PUDP: variants seen among roughly 807,000 people sequenced by gnomAD.
The protein encoded by PUDP is pseudouridine-5'-phosphatase.
In PUDP, 8 loss-of-function variants were observed where a neutral mutation model predicts 9.4. The ratio of observed to expected loss-of-function variants is 0.85; its 90% CI spans 0.50 to 1.53. PUDP has a LOEUF of 1.53. PUDP is among the 40% of genes most tolerant of loss of function. The pLI is 0.00. For missense variants in PUDP, 188 were observed against 189.7 expected (o/e 0.99, Z 0.05); for synonymous variants, 99 against 80.7 (o/e 1.23, Z -1.22).
At chrX:6,799,499 T>A (rs1925896191) in intron 3 of PUDP, among the ~76,000 whole-genome samples, 1 of 112,166 alleles carries the variant, frequency 8.9e-6, no homozygotes, top group Non-Finnish European at 1.9e-5. Flanking sequence ...ATAAACAGCA[T>A]TTTTAGCTAT....
At chrX:6,900,288 G>A (rs2146751155) in intron 3 of PUDP, among the ~76,000 whole-genome samples, 1 of 103,392 alleles carries the variant, frequency 9.7e-6, no homozygotes, top group African/African-American at 3.5e-5. Context: ...CTAAAAAACT[G>A]GAGGAAATGA....
intron 1 of PUDP, among the ~76,000 whole-genome samples, chrX:7,107,470 G>A (rs2146900261): frequency 8.9e-6 from 1 of 112,514 alleles, no homozygotes; most frequent in African/African-American, 3.2e-5. Flanking sequence ...ACATAGGTAT[G>A]CATGCTTGTC....
chrX:6,968,919 CCTT>C (rs1028463200), intron 3 of PUDP, among the ~76,000 whole-genome samples: 1 of 112,005 alleles, frequency 8.9e-6, no homozygotes, highest in African/African-American at 3.2e-5. Flanking sequence ...CGCACCTGGC[CCTT>C]CTTCATCTCT....
intron 3 of PUDP, among the ~76,000 whole-genome samples, chrX:6,766,136 G>A (rs1309810743): frequency 9.0e-6 from 1 of 111,581 alleles, no homozygotes; most frequent in African/African-American, 3.3e-5. Flanking sequence ...TTTATATCCA[G>A]TAAAAATATC....
intron 3 of PUDP, among the ~76,000 whole-genome samples, chrX:6,946,712 T>C (rs1347925479): frequency 1.0e-5 from 1 of 99,132 alleles, no homozygotes; most frequent in Admixed American, 1.2e-4. Context: ...ATATCTGAAA[T>C]GTAAAAAAAA....
chrX:7,076,652 G>T (rs1930914002), intron 3 of PUDP, among the ~76,000 whole-genome samples: 1 of 112,008 alleles, frequency 8.9e-6, no homozygotes, highest in Non-Finnish European at 1.9e-5. Flanking sequence ...TCAAGCAGCC[G>T]TGGTGCGGGA....
chrX:7,046,011 T>A (rs1358179712), downstream of PUDP, among the ~76,000 whole-genome samples: 1 of 112,515 alleles, frequency 8.9e-6, no homozygotes, highest in African/African-American at 3.2e-5. Context: ...ACTGAGATGA[T>A]TTGCCATCAT....
intron 3 of PUDP, among the ~76,000 whole-genome samples, chrX:6,880,526 T>C (rs2146739440): frequency 8.9e-6 from 1 of 112,254 alleles, no homozygotes; most frequent in East Asian, 2.8e-4. Flanking sequence ...ACAGAGGGAC[T>C]ATAAAATATA....
intron 3 of PUDP, among the ~76,000 whole-genome samples, chrX:6,906,268 C>T (rs1157561654): frequency 1.8e-5 from 2 of 111,404 alleles, no homozygotes; most frequent in Non-Finnish European, 1.9e-5. Flanking sequence ...CCATAAGACA[C>T]GAAATAATTG....
At chrX:7,118,012 C>A (rs1323703515) in intron 1 of PUDP, among the ~76,000 whole-genome samples, 1 of 113,062 alleles carries the variant, frequency 8.8e-6, no homozygotes, top group African/African-American at 3.2e-5. Flanking sequence ...GCCATTTAAA[C>A]CCATTTTCTT....
At chrX:7,094,779 C>T (rs1931526617) in intron 2 of PUDP, among the ~76,000 whole-genome samples, 1 of 111,844 alleles carries the variant, frequency 8.9e-6, no homozygotes, top group Non-Finnish European at 1.9e-5. Context: ...GGGGCTAATT[C>T]GATTTGTTAA....
chrX:7,015,991 G>A (rs895234141), intron 1 of PUDP, among the ~76,000 whole-genome samples: 6 of 110,170 alleles, frequency 5.4e-5, no homozygotes, highest in African/African-American at 1.7e-4. Context: ...TCTAGGACCC[G>A]TCATGGGGAA....
chrX:7,068,353 G>A (rs1437829514), intron 3 of PUDP, among the ~76,000 whole-genome samples: 3 of 112,080 alleles, frequency 2.7e-5, no homozygotes, highest in African/African-American at 6.5e-5. Context: ...GTCCCTTGGT[G>A]TGAATCTGTT....
chrX:6,790,655 T>C (rs1925729687), intron 3 of PUDP, among the ~76,000 whole-genome samples: 1 of 112,926 alleles, frequency 8.9e-6, no homozygotes, highest in Non-Finnish European at 1.9e-5. Flanking sequence ...CACATTTAAC[T>C]ACACATAGTG....
upstream of PUDP, chrX:6,721,597 A>G (rs1248291423): frequency 1.8e-5 from 2 of 112,470 alleles, no homozygotes; most frequent in Non-Finnish European, 3.8e-5. Flanking sequence ...ATATAAAGTT[A>G]TCTAAAATAT....
intron 2 of PUDP, among the ~76,000 whole-genome samples, chrX:7,103,431 TA>T (rs1199536018): frequency 8.9e-6 from 1 of 112,393 alleles, no homozygotes; most frequent in African/African-American, 3.2e-5. Context: ...GTCCTGAATG[TA>T]AGACCTAAAA....
At chrX:6,789,243 T>C (rs768685236) in intron 3 of PUDP, among the ~76,000 whole-genome samples, 103 of 110,088 alleles carry the variant, frequency 9.4e-4, no homozygotes, top group African/African-American at 3.3e-3. Context: ...TGAGCCGACA[T>C]TGCACGACTG....
chrX:6,900,418 A>G (rs777499154), intron 3 of PUDP, among the ~76,000 whole-genome samples: 9 of 107,809 alleles, frequency 8.3e-5, no homozygotes, highest in Non-Finnish European at 1.5e-4. Context: ...CCCGCCTCCA[A>G]CTAAAACATG....
chrX:6,849,192 G>A (rs1235368809), intron 3 of PUDP, among the ~76,000 whole-genome samples: 1 of 111,796 alleles, frequency 8.9e-6, no homozygotes, highest in East Asian at 2.8e-4. Context: ...CCTTGAAGGT[G>A]AGATGTACCG....
Sources: allele counts gnomAD v4.1 joint callset (sites outside exome capture counted in the v4.1 genomes callset), GRCh38; gene constraint gnomAD v4.1.1; transcripts MANE v1.5; gene names NCBI Gene and HGNC (gene_info 2026-07-23, HGNC 2026-07-21).